Variants in SLC13A5 observed in about 807,000 individuals in gnomAD.
SLC13A5 encodes solute carrier family 13 member 5.
In SLC13A5, 25 loss-of-function variants were observed where a neutral mutation model predicts 56.5. The ratio of observed to expected loss-of-function variants is 0.44; its 90% confidence interval spans 0.32 to 0.62. The LOEUF (loss-of-function observed/expected upper bound fraction) is 0.62. Ranked by LOEUF, SLC13A5 falls within the 20% of genes least tolerant of loss-of-function variation. The probability of loss-of-function intolerance (pLI) is 0.04; values close to 1 mark genes in which losing one functional copy is unlikely to be tolerated. For synonymous variants in SLC13A5, 307 were observed against 301.5 expected, an observed-to-expected ratio of 1.02 and a Z score of -0.19; for missense variants, 649 against 737.8, an observed-to-expected ratio of 0.88 and a Z score of 1.39.
At chr17:6,708,093 C>T (rs67183607) in intron 1 of SLC13A5, among the ~76,000 whole-genome samples, 11,021 of 152,262 alleles carry the variant, frequency 0.072, 409 homozygotes, top group East Asian at 0.081. Context: ...CTGCCTCAAC[C>T]TCCGGAGTTG....
At position 6,690,916 on chromosome 17, in the gene SLC13A5, C is replaced by G. The variant is rs759705304; in HGVS notation, c.1300G>C (p.Gly434Arg). 17 of 1,612,346 alleles carry G rather than the reference C, an allele frequency of 1.1e-5. No homozygotes were observed. The highest frequency in any genetic ancestry group is 1.4e-5 in the Non-Finnish European group (16 of 1,178,926). Reference sequence around the variant, plus strand: ...GCGTGCAAGGGCTCCATCTGCTTCCCCATCCACACGGACAGCCCCGAGGCC... The same window carrying G: ...GCGTGCAAGGGCTCCATCTGCTTCCGCATCCACACGGACAGCCCCGAGGCC... ...SEASGLSVWM[G>R]KQMEPLHAVP... The change falls in exon 10 of 12, where the codon GGG becomes CGG. Residue 434 changes from glycine (G) to arginine (R), a missense_variant. By Grantham distance (125) the Gly-to-Arg change is moderately radical. Coordinates refer to ENST00000433363, the MANE Select transcript of SLC13A5 (RefSeq NM_177550.5).
chr17:6,696,157 A>T (rs1973555559), intron 6 of SLC13A5, among the ~76,000 whole-genome samples: 1 of 152,190 alleles, frequency 6.6e-6, no homozygotes, highest in Admixed American at 6.5e-5. Flanking sequence ...TAGAGAGGCT[A>T]GAGGGTCTCG....
At position 6,707,082 on chromosome 17, in the gene SLC13A5, G is replaced by A; in HGVS notation, c.177C>T (p.Thr59=). 1 of 1,614,142 alleles carries A rather than the reference G, an allele frequency of 6.2e-7. No individual in the cohort carries two copies. Among genetic ancestry groups the A allele is most frequent in the Non-Finnish European group, 8.5e-7 (1 of 1,180,026 alleles). ...WCTEVIPLAV[T]SLMPVLLFPL... ...GGAAAAGCAAGACAGGCATGAGAGAGGTGACAGCCAGAGGGATGACTTCTG... is the reference window on the plus strand; with the variant it reads ...GGAAAAGCAAGACAGGCATGAGAGAAGTGACAGCCAGAGGGATGACTTCTG... Residue 59 remains threonine, a synonymous_variant, in exon 2 of 12, where the codon ACC becomes ACT. Coordinates refer to ENST00000433363, the MANE Select transcript of SLC13A5 (RefSeq NM_177550.5).
In SLC13A5 at chr17:6,684,726, G is replaced by A. The variant is rs1973192471; in HGVS notation, c.*1481C>T. On this transcript the variant is annotated 3_prime_UTR_variant, in exon 12 of 12. Coordinates refer to ENST00000433363, the MANE Select transcript of SLC13A5 (RefSeq NM_177550.5). ...TCAGCAGCACAGTGGAGCTTTCCGC[G>A]GGAGACAGAGCATTTAATGAGAGCA... The A allele has an allele frequency of 6.6e-6, 1 of 152,236 alleles. No individual in the cohort carries two copies. The highest frequency in any genetic ancestry group is 2.4e-5 in the African/African-American group (1 of 41,438). 9.4% of individuals were successfully genotyped at this position (152,236 alleles called of 1,614,324 possible). A position where few individuals can be genotyped will look rare whatever the true frequency, so the allele number is the denominator to read the frequency against.
chr17:6,707,294 C>T (rs1254932416), intron 1 of SLC13A5, 138 bp from the exon 2 acceptor site: 1 of 1,194,262 alleles, frequency 8.4e-7, no homozygotes, highest in Non-Finnish European at 1.2e-6. Context: ...TCATCTTGTT[C>T]CCCAGCCCTG....
At position 6,695,892 on chromosome 17, in the gene SLC13A5, C is replaced by A; in HGVS notation, c.889G>T (p.Ala297Ser). 1.9e-6 allele frequency: 3 copies of A among 1,614,134 alleles called. No homozygotes were observed. The highest frequency in any genetic ancestry group is 2.5e-6 in the Non-Finnish European group (3 of 1,180,038). Reference sequence around the variant, plus strand: ...TCCTCCTGCAGCACCTTGAGGGCAGCCTTCTCGTTTTTCTTGCTCTCTAGC... The same window carrying A: ...TCCTCCTGCAGCACCTTGAGGGCAGACTTCTCGTTTTTCTTGCTCTCTAGC... The part of the protein sequence containing the change: ...CGLESKKNEK[A>S]ALKVLQEEYR... Residue 297 changes from alanine to serine, a missense_variant, in exon 7 of 12, where the codon GCT (alanine) becomes TCT (serine). Coordinates refer to ENST00000433363, the MANE Select transcript of SLC13A5 (RefSeq NM_177550.5).
intron 2 of SLC13A5, 89 bp downstream of exon 2, chr17:6,706,938 AC>A (rs1389504490): frequency 1.7e-5 from 26 of 1,569,824 alleles, no homozygotes; most frequent in Non-Finnish European, 2.2e-5. Context: ...TTTTCCGGTC[AC>A]CCCCAGGCCT....
rs1973242026 is a variant in SLC13A5, at chr17:6,686,120, G to A, written c.*87C>T. The A allele has an allele frequency of 6.4e-7, 1 of 1,567,218 alleles. No individual in the cohort carries two copies. Among genetic ancestry groups the A allele is most frequent in the Non-Finnish European group, 8.7e-7 (1 of 1,150,548 alleles). ...ACATCGTTGGGTCATTTTGGGGTGT[G>A]AACCCCAAAACTCTGTACAAGGTGT... On this transcript the variant is annotated 3_prime_UTR_variant, in exon 12 of 12. Transcript: ENST00000433363.
intron 3 of SLC13A5, chr17:6,704,266 CT>C: frequency 1.4e-6 from 1 of 690,518 alleles, no homozygotes; most frequent in South Asian, 1.5e-5. Context: ...TCTCTCCCTC[CT>C]GCCTCTCCCA....
At chr17:6,702,793 TGCCA>T (rs2151493588) in intron 5 of SLC13A5, among the ~76,000 whole-genome samples, 173 bp downstream of exon 5, 3 of 121,654 alleles carry the variant, frequency 2.5e-5, no homozygotes, top group Admixed American at 2.5e-4. Flanking sequence ...GGCACAGGGG[TGCCA>T]GGACACAGAG....
intron 6 of SLC13A5, among the ~76,000 whole-genome samples, chr17:6,698,373 G>T (rs1973616609): frequency 6.6e-6 from 1 of 152,226 alleles, no homozygotes; most frequent in East Asian, 1.9e-4. Context: ...GTCTCCAGGG[G>T]CCTGACATCT....
intron 6 of SLC13A5, among the ~76,000 whole-genome samples, chr17:6,697,679 C>T (rs1257975142): frequency 1.3e-5 from 2 of 152,168 alleles, no homozygotes; most frequent in South Asian, 2.1e-4. Flanking sequence ...CTTTGCATGC[C>T]TCTGCCCTGG....
At chr17:6,707,510 GAGA>G (rs956287237) in intron 1 of SLC13A5, among the ~76,000 whole-genome samples, 25 of 152,190 alleles carry the variant, frequency 1.6e-4, no homozygotes, top group Non-Finnish European at 2.6e-4. Context: ...GGAGAAGGAG[GAGA>G]AGGAGGAGGA....
At chr17:6,689,275 C>G (rs150201109) in intron 10 of SLC13A5, 1 of 152,270 alleles carries the variant, frequency 6.6e-6, no homozygotes, top group Non-Finnish European at 1.5e-5. Flanking sequence ...TTCGCTGGCG[C>G]GTCTCCCCGA....
At chr17:6,709,222 A>G (rs1185750764) in intron 1 of SLC13A5, among the ~76,000 whole-genome samples, 2 of 151,870 alleles carry the variant, frequency 1.3e-5, no homozygotes, top group African/African-American at 4.8e-5. Flanking sequence ...CCCAACACTT[A>G]GGATATCTTT....
intron 8 of SLC13A5, 52 bp from the exon 9 acceptor site, chr17:6,693,214 CA>C (rs1405805249): frequency 1.0e-5 from 10 of 965,678 alleles, no homozygotes; most frequent in South Asian, 1.6e-5. Flanking sequence ...CACACACACA[CA>C]CACACACACA....
intron 10 of SLC13A5, chr17:6,688,602 C>G (rs1973313856): frequency 6.6e-6 from 1 of 152,174 alleles, no homozygotes; most frequent in Non-Finnish European, 1.5e-5. Context: ...AACCCCGTCT[C>G]TACTAAAAAT....
intron 3 of SLC13A5, among the ~76,000 whole-genome samples, chr17:6,705,760 A>G (rs1477516318): frequency 6.6e-6 from 1 of 152,190 alleles, no homozygotes; most frequent in East Asian, 1.9e-4. Flanking sequence ...ACTGACCAGC[A>G]GCTGACTCCT....
rs1392321173 is a variant in SLC13A5 at position 6,711,188 on chromosome 17, G to C, written c.102+2044C>G. 6.6e-6 allele frequency among the ~76,000 whole-genome samples: 1 copy of C among 152,052 alleles called. No homozygotes were observed. The highest frequency in any genetic ancestry group is 1.9e-4 in the East Asian group (1 of 5,162). On this transcript the variant is annotated intron_variant, in intron 1 of 11. Transcript: ENST00000433363. This position sits in a 1 kb window ranked among gnomAD's most constrained non-coding sequence, Gnocchi z 4.0. The stretch of plus-strand genomic sequence containing the variant: ...TTCTCACCAGCTTCCCAGCTGCCCT[G>C]CCCGTGCTGTGTACCCTCTGGGTTT...
Sources: allele counts gnomAD v4.1 joint callset (sites outside exome capture counted in the v4.1 genomes callset), GRCh38; gene constraint gnomAD v4.1.1; non-coding constraint Gnocchi (gnomAD v3.1); transcripts MANE v1.5; gene names NCBI Gene and HGNC (gene_info 2026-07-23, HGNC 2026-07-21).